The following STON2 variants were observed in gnomAD, a reference collection of about 807,000 sequenced individuals.
STON2 encodes stonin-2.
In STON2, 29 loss-of-function variants were observed where a neutral mutation model predicts 65.7. The ratio of observed to expected loss-of-function variants is 0.44; its 90% confidence interval spans 0.33 to 0.60. The LOEUF is 0.60. Among genes scored for constraint, STON2 ranks in the 20% least tolerant of loss-of-function variants. The pLI is 0.03. For synonymous variants in STON2, 404 were observed against 414.2 expected (o/e 0.98, Z 0.30); for missense variants, 1,054 against 1,118.1 (o/e 0.94, Z 0.82).
chr14:81,386,543 C>A (rs553951527), intron 3 of STON2, among the ~76,000 whole-genome samples: 1 of 152,186 alleles, frequency 6.6e-6, no homozygotes, highest in Non-Finnish European at 1.5e-5. Context: ...AAGGCCTTAG[C>A]CCAAGCTTTT....
chr14:81,319,844 T>C (rs1449817219), intron 5 of STON2, among the ~76,000 whole-genome samples: 1 of 152,140 alleles, frequency 6.6e-6, no homozygotes, highest in African/African-American at 2.4e-5. Context: ...AACCCCTCCA[T>C]CCAGTGACTG....
chr14:81,408,027 T>C (rs1900953947), intron 2 of STON2, among the ~76,000 whole-genome samples: 1 of 152,004 alleles, frequency 6.6e-6, no homozygotes, highest in South Asian at 2.1e-4. Flanking sequence ...AAGACTAAAT[T>C]AGATTAAGGA....
At chr14:81,275,219 C>T (rs536050731) in intron 6 of STON2, among the ~76,000 whole-genome samples, 44 of 152,194 alleles carry the variant, frequency 2.9e-4, no homozygotes, top group African/African-American at 9.9e-4. Context: ...TACGTTTGTA[C>T]ATACTGGAAA....
At chr14:81,270,027 G>T in intron 7 of STON2, 1 of 983,504 alleles carries the variant, frequency 1.0e-6, no homozygotes, top group Non-Finnish European at 1.2e-6. Context: ...CCATTTCCAA[G>T]CTCACTACTC....
chr14:81,272,394 TA>T (rs1894637239), intron 6 of STON2, among the ~76,000 whole-genome samples: 2 of 152,206 alleles, frequency 1.3e-5, no homozygotes, highest in African/African-American at 4.8e-5. Flanking sequence ...TAGCTATAGA[TA>T]AACAACATGA....
chr14:81,273,764 C>T (rs1011677679), intron 6 of STON2, among the ~76,000 whole-genome samples: 4 of 152,150 alleles, frequency 2.6e-5, no homozygotes, highest in African/African-American at 9.7e-5. Context: ...ACCTGCTGAC[C>T]TGCTGGCCTC....
Position 81,277,304 on chromosome 14 carries a change from C to G in STON2, c.2178G>C (p.Ala726=). Residue 726 remains alanine, a synonymous_variant, in exon 6 of 8, where the codon GCG becomes GCC. Coordinates refer to ENST00000614646, the MANE Select transcript of STON2 (RefSeq NM_001394390.1). ...TGAACCGCATTAGCTCAAACCGGCA[C>G]GCATCCAAAGGGTTGAACAGAATGA... is the stretch of plus-strand genomic sequence containing the variant. ...SRVILFNPLD[A]CRFELMRFRT... is the part of the protein sequence containing the mutation. The G allele has an allele frequency of 1.2e-6, 2 of 1,614,168 alleles. No homozygotes were observed. Among genetic ancestry groups the G allele is most frequent in the Non-Finnish European group, 1.7e-6 (2 of 1,180,034 alleles).
intron 4 of STON2, among the ~76,000 whole-genome samples, chr14:81,325,331 T>G (rs1052779697): frequency 1.3e-5 from 2 of 152,208 alleles, no homozygotes; most frequent in Non-Finnish European, 2.9e-5. Flanking sequence ...ATATACATTG[T>G]GACTCTCCAA....
At chr14:81,328,537 G>C (rs1897082708) in intron 4 of STON2, among the ~76,000 whole-genome samples, 1 of 152,142 alleles carries the variant, frequency 6.6e-6, no homozygotes, top group African/African-American at 2.4e-5. Flanking sequence ...GGCCTGAGGT[G>C]CTCTGAGGGC....
At chr14:81,390,952 A>C (rs1900050386) in intron 3 of STON2, among the ~76,000 whole-genome samples, 1 of 152,142 alleles carries the variant, frequency 6.6e-6, no homozygotes, top group South Asian at 2.1e-4. Flanking sequence ...TAAAATCTTT[A>C]AGATCAGCAT....
At chr14:81,372,102 C>T (rs75807370) in intron 3 of STON2, among the ~76,000 whole-genome samples, 1 of 152,326 alleles carries the variant, frequency 6.6e-6, no homozygotes, top group East Asian at 1.9e-4. Context: ...ATGTACAAAA[C>T]TTGGCTTTAT....
At chr14:81,380,264 G>C (rs891696683) in intron 3 of STON2, among the ~76,000 whole-genome samples, 24 of 152,080 alleles carry the variant, frequency 1.6e-4, no homozygotes, top group African/African-American at 5.1e-4. Context: ...ATCATTAGGG[G>C]AATGCAAATC....
At chr14:81,305,144 T>C (rs1318903171) in intron 5 of STON2, among the ~76,000 whole-genome samples, 2 of 152,262 alleles carry the variant, frequency 1.3e-5, no homozygotes, top group African/African-American at 4.8e-5. Context: ...CGTATTCAAT[T>C]GTGTGAATGT....
intron 5 of STON2, among the ~76,000 whole-genome samples, chr14:81,287,033 GTTAA>G (rs1383134500): frequency 1.3e-5 from 2 of 152,140 alleles, no homozygotes; most frequent in Non-Finnish European, 2.9e-5. Flanking sequence ...GGGAAAATAA[GTTAA>G]TTAATTAAGG....
chr14:81,275,937 T>A (rs1310158779), intron 6 of STON2, among the ~76,000 whole-genome samples: 1 of 152,258 alleles, frequency 6.6e-6, no homozygotes, highest in Non-Finnish European at 1.5e-5. Flanking sequence ...GAAAGCCATT[T>A]CACTCAAGAG....
intron 4 of STON2, among the ~76,000 whole-genome samples, chr14:81,366,566 C>T (rs556730340): frequency 3.3e-5 from 5 of 150,644 alleles, no homozygotes; most frequent in South Asian, 4.4e-4. Flanking sequence ...CTAAAGGGCA[C>T]GGCAGGGGGT....
chr14:81,433,976 C>T (rs1049846077), intron 1 of STON2, among the ~76,000 whole-genome samples: 15 of 152,136 alleles, frequency 9.9e-5, no homozygotes, highest in African/African-American at 3.4e-4. Flanking sequence ...CCACCTCACC[C>T]CTGCCTGCAC....
intron 4 of STON2, among the ~76,000 whole-genome samples, chr14:81,368,810 C>A (rs1456961889): frequency 6.6e-6 from 1 of 152,208 alleles, no homozygotes; most frequent in East Asian, 1.9e-4. Flanking sequence ...TAAGAGCATC[C>A]CTCCTCATTC....
intron 2 of STON2, among the ~76,000 whole-genome samples, chr14:81,416,373 T>C (rs973447566): frequency 7.9e-5 from 12 of 152,096 alleles, no homozygotes; most frequent in African/African-American, 2.9e-4. Context: ...GAGGAGACCT[T>C]AGAAATTTCG....
Sources: gnomAD v4.1 joint callset for allele counts (sites outside exome capture counted in the v4.1 genomes callset) on GRCh38, gnomAD v4.1.1 for gene constraint, MANE v1.5 for transcripts, NCBI Gene and HGNC (gene_info 2026-07-23, HGNC 2026-07-21) for gene names.